Variants in KRTAP10-12 observed in about 807,000 individuals in gnomAD.
KRTAP10-12 encodes the protein keratin associated protein 10-12, also known as keratin-associated protein 10-12.
For missense variants in KRTAP10-12, 311 were observed against 324.4 expected (o/e 0.96, Z 0.32); for synonymous variants, 142 against 139.1 (o/e 1.02, Z -0.14).
chr21:44,697,746 C>G lies in KRTAP10-12; in HGVS notation c.545C>G (p.Ala182Gly), dbSNP rs782664182. Reference protein sequence around the residue: ...LCCQQSSCQPACCTTSCCRPS... With the variant: ...LCCQQSSCQPGCCTTSCCRPS... The stretch of plus-strand genomic sequence containing the variant: ...TGCCAGCAGTCTAGCTGCCAGCCAG[C>G]TTGCTGCACCACCTCCTGCTGCAGA... Residue 182 changes from alanine to glycine, a missense_variant, in exon 1 of 1, where the codon GCT (alanine) becomes GGT (glycine). By Grantham distance (60) the Ala-to-Gly change is moderately conservative. Transcript: ENST00000400365. 2 of 1,614,148 alleles carry G rather than the reference C, an allele frequency of 1.2e-6. No homozygotes were observed. The highest frequency in any genetic ancestry group is 3.3e-5 in the Admixed American group (2 of 60,036).
At position 44,697,603 on chromosome 21, in the gene KRTAP10-12, G is replaced by A; in HGVS notation, c.402G>A (p.Gln134=). The change falls in exon 1 of 1, where the codon CAG becomes CAA. Residue 134 remains glutamine, a synonymous_variant. Transcript: ENST00000400365. The part of the protein sequence containing the change: ...CCGPSSSCCQ[Q]SSCQPACCIS... Reference sequence around the variant, plus strand: ...GGCCTTCTTCTTCATGCTGCCAGCAGTCTAGCTGCCAGCCAGCTTGCTGCA... The same window carrying A: ...GGCCTTCTTCTTCATGCTGCCAGCAATCTAGCTGCCAGCCAGCTTGCTGCA... 2 of 1,614,008 alleles carry A rather than the reference G, an allele frequency of 1.2e-6. No individual in the cohort carries two copies. The highest frequency in any genetic ancestry group is 1.1e-5 in the South Asian group (1 of 91,072).
At position 44,697,655 on chromosome 21, in the gene KRTAP10-12, T is replaced by C; in HGVS notation, c.454T>C (p.Cys152Arg). Residue 152 changes from cysteine (C) to arginine (R), a missense_variant, in exon 1 of 1, where the codon TGT (cysteine) becomes CGT (arginine). Transcript: ENST00000400365. ...CISSPCQQSCCVPVCCKPICC... is the reference protein window; with the variant it reads ...CISSPCQQSCRVPVCCKPICC... ...CTCCTCCCCGTGTCAACAGTCCTGC[T>C]GTGTGCCCGTCTGCTGCAAGCCCAT... is the stretch of plus-strand genomic sequence containing the variant. 1 of 1,614,002 alleles carries C rather than the reference T, an allele frequency of 6.2e-7. No homozygotes were observed. Among genetic ancestry groups the C allele is most frequent in the South Asian group, 1.1e-5 (1 of 91,082 alleles).
chr21:44,697,392 G>C lies in KRTAP10-12; in HGVS notation c.191G>C (p.Arg64Pro), dbSNP rs200968568. ...PVSRVSSPCCRVTCEPSPCQS... is the reference protein window; with the variant it reads ...PVSRVSSPCCPVTCEPSPCQS... ...AGCCGTGTATCCAGCCCCTGCTGCC[G>C]AGTGACCTGTGAGCCCAGCCCCTGC... The change falls in exon 1 of 1, where the codon CGA becomes CCA. Residue 64 changes from arginine (R) to proline (P), a missense_variant. Physicochemically the swap from Arg to Pro is moderately radical, Grantham distance 103. Transcript: ENST00000400365. The C allele has an allele frequency of 3.1e-4, 504 of 1,607,202 alleles. 2 individuals are homozygous for C. In the African/African-American group the frequency reaches 5.4e-3, roughly 17 times the overall value.
In KRTAP10-12 at chr21:44,697,382, C is replaced by T; in HGVS notation, c.181C>T (p.Pro61Ser). 6.2e-7 allele frequency: 1 copy of T among 1,613,486 alleles called. No homozygotes were observed. Among genetic ancestry groups the T allele is most frequent in the South Asian group, 1.1e-5 (1 of 91,062 alleles). Residue 61 changes from proline to serine, a missense_variant, in exon 1 of 1, where the codon CCC becomes TCC. Physicochemically the swap from Pro to Ser is moderately conservative, Grantham distance 74. Transcript: ENST00000400365. ...VCTPVSRVSS[P>S]CCRVTCEPSP... ...CACCCCAGTGAGCCGTGTATCCAGC[C>T]CCTGCTGCCGAGTGACCTGTGAGCC...
rs1987455367 is a variant in KRTAP10-12 at position 44,697,882 on chromosome 21, C to A, written c.681C>A (p.Arg227=). Residue 227 remains arginine, a synonymous_variant, in exon 1 of 1, where the codon CGC becomes CGA. Transcript: ENST00000400365. Reference sequence around the variant, plus strand: ...CCTCCTGCCAGCCAAGCTGCGGCCGCCTGGCCTCCTGCGGGTCCCTCCTCT... The same window carrying A: ...CCTCCTGCCAGCCAAGCTGCGGCCGACTGGCCTCCTGCGGGTCCCTCCTCT... ...PTSSCQPSCG[R]LASCGSLLCR... 6.2e-7 allele frequency: 1 copy of A among 1,603,242 alleles called. No homozygotes were observed. Among genetic ancestry groups the A allele is most frequent in the East Asian group, 2.2e-5 (1 of 44,506 alleles).
At position 44,697,681 on chromosome 21, in the gene KRTAP10-12, C is replaced by A. The variant is rs782105198; in HGVS notation, c.480C>A (p.Ile160=). Residue 160 remains isoleucine (I), a synonymous_variant, in exon 1 of 1, where the codon ATC becomes ATA. Coordinates refer to ENST00000400365, the MANE Select transcript of KRTAP10-12 (RefSeq NM_198699.1). ...SCCVPVCCKP[I]CCVPVCSGAS... is the part of the protein sequence containing the mutation. Reference sequence around the variant, plus strand: ...GTGTGCCCGTCTGCTGCAAGCCCATCTGCTGTGTGCCTGTCTGCTCTGGGG... The same window carrying A: ...GTGTGCCCGTCTGCTGCAAGCCCATATGCTGTGTGCCTGTCTGCTCTGGGG... 5.0e-6 allele frequency: 8 copies of A among 1,613,124 alleles called. No homozygotes were observed. In the South Asian group the frequency reaches 8.8e-5, roughly 18 times the overall value.
At position 44,697,705 on chromosome 21, in the gene KRTAP10-12, G is replaced by T. The variant is rs1555950931; in HGVS notation, c.504G>T (p.Gly168=). 5 of 1,611,966 alleles carry T rather than the reference G, an allele frequency of 3.1e-6. No homozygotes were observed. In the African/African-American group the frequency reaches 6.8e-5, roughly 22 times the overall value. ...TCTGCTGTGTGCCTGTCTGCTCTGG[G>T]GCCTCCTCTCTGTGCTGCCAGCAGT... is the stretch of plus-strand genomic sequence containing the variant. ...KPICCVPVCS[G]ASSLCCQQSS... Residue 168 remains glycine (G), a synonymous_variant, in exon 1 of 1, where the codon GGG becomes GGT. Coordinates refer to ENST00000400365, the MANE Select transcript of KRTAP10-12 (RefSeq NM_198699.1).
rs782792304 is a variant in KRTAP10-12 at position 44,697,399 on chromosome 21, C to A, written c.198C>A (p.Thr66=). The change falls in exon 1 of 1, where the codon ACC becomes ACA. Residue 66 remains threonine (T), a synonymous_variant. Transcript: ENST00000400365. ...TATCCAGCCCCTGCTGCCGAGTGACCTGTGAGCCCAGCCCCTGCCAATCAG... is the reference window on the plus strand; with the variant it reads ...TATCCAGCCCCTGCTGCCGAGTGACATGTGAGCCCAGCCCCTGCCAATCAG... The part of the protein sequence containing the change: ...SRVSSPCCRV[T]CEPSPCQSGC... 13 of 1,613,562 alleles carry A rather than the reference C, an allele frequency of 8.1e-6. 1 individual carries two copies. In the East Asian group the frequency reaches 2.5e-4, roughly 30 times the overall value.
chr21:44,697,315 G>T lies in KRTAP10-12; in HGVS notation c.114G>T (p.Glu38Asp). ...ACGACTGCCCAGAGAGCTGCTGTGA[G>T]CCCCCCTGCTGCGCCCCGGCCCCCT... ...QVDDCPESCC[E>D]PPCCAPAPCL... The change falls in exon 1 of 1, where the codon GAG (glutamate) becomes GAT (aspartate). Residue 38 changes from glutamate (E) to aspartate (D), a missense_variant. By Grantham distance (45) the Glu-to-Asp change is conservative (BLOSUM62 2). Coordinates refer to ENST00000400365, the MANE Select transcript of KRTAP10-12 (RefSeq NM_198699.1). 1 of 1,612,750 alleles carries T rather than the reference G, an allele frequency of 6.2e-7. No individual in the cohort carries two copies. The highest frequency in any genetic ancestry group is 8.5e-7 in the Non-Finnish European group (1 of 1,179,962).
rs574049088 is a variant in KRTAP10-12 at position 44,697,486 on chromosome 21, C to T, written c.285C>T (p.Cys95=). 22 of 1,613,912 alleles carry T rather than the reference C, an allele frequency of 1.4e-5. No individual in the cohort carries two copies. Among genetic ancestry groups the T allele is most frequent in the East Asian group, 4.5e-5 (2 of 44,896 alleles). Residue 95 remains cysteine, a synonymous_variant, in exon 1 of 1, where the codon TGC becomes TGT. Transcript: ENST00000400365. ...CQQSSCQPAC[C]TSSPCQQACC... ...AGTCTAGCTGCCAGCCGGCTTGCTG[C>T]ACCTCCTCCCCCTGCCAGCAGGCCT...
rs782523698 is a variant in KRTAP10-12 at position 44,697,517 on chromosome 21, G to A, written c.316G>A (p.Val106Met). The A allele has an allele frequency of 6.7e-5, 108 of 1,613,692 alleles. No homozygotes were observed. Among genetic ancestry groups the A allele is most frequent in the African/African-American group, 1.1e-4 (8 of 74,798 alleles). The change falls in exon 1 of 1, where the codon GTG becomes ATG. Residue 106 changes from valine (V) to methionine (M), a missense_variant. By Grantham distance (21) the Val-to-Met change is conservative (BLOSUM62 1). Transcript: ENST00000400365. ...TSSPCQQACCVPVCCKTVCCK... is the reference protein window; with the variant it reads ...TSSPCQQACCMPVCCKTVCCK... ...CTCCCCCTGCCAGCAGGCCTGCTGCGTGCCCGTCTGCTGCAAGACTGTCTG... is the reference window on the plus strand; with the variant it reads ...CTCCCCCTGCCAGCAGGCCTGCTGCATGCCCGTCTGCTGCAAGACTGTCTG...
In KRTAP10-12 at chr21:44,697,188, C is replaced by T. The variant is rs782473031; in HGVS notation, c.-14C>T. Reference sequence around the variant, plus strand: ...AGCTCCCCCAGCTCAACCCCCAGCACGGCTGCATCCACCATGTCCGTCTGC... The same window carrying T: ...AGCTCCCCCAGCTCAACCCCCAGCATGGCTGCATCCACCATGTCCGTCTGC... On this transcript the variant is annotated 5_prime_UTR_variant, in exon 1 of 1. In the 5' UTR this introduces an upstream ATG that the reference lacks. Coordinates refer to ENST00000400365, the MANE Select transcript of KRTAP10-12 (RefSeq NM_198699.1). The T allele has an allele frequency of 8.0e-5, 129 of 1,610,936 alleles. No homozygotes were observed. The highest frequency in any genetic ancestry group is 2.0e-4 in the East Asian group (9 of 44,860).
Position 44,697,953 on chromosome 21 carries a change from GC to G in KRTAP10-12, c.*16del. On this transcript the variant is annotated 3_prime_UTR_variant, in exon 1 of 1. Transcript: ENST00000400365. The stretch of plus-strand genomic sequence containing the variant: ...CTGGCCTGCTGAGGCCTCTGCTCAG[GC>G]CAGAAGTCCAGCTGCTGCCAGGCAT... 1 of 1,601,652 alleles carries G rather than the reference GC, an allele frequency of 6.2e-7. No individual in the cohort carries two copies. Among genetic ancestry groups the G allele is most frequent in the East Asian group, 2.2e-5 (1 of 44,670 alleles).
At position 44,697,833 on chromosome 21, in the gene KRTAP10-12, TC is replaced by T. The variant is rs782062378; in HGVS notation, c.636del (p.Ser213ProfsTer56). On this transcript the variant is annotated frameshift_variant, in exon 1 of 1. Coordinates refer to ENST00000400365, the MANE Select transcript of KRTAP10-12 (RefSeq NM_198699.1). LOFTEE classifies it low-confidence loss of function (END_TRUNC). ...PVCRPARRVP[V>X]PSCCVPTSSC... is the part of the protein sequence containing the mutation. The stretch of plus-strand genomic sequence containing the variant: ...TGCAGACCCGCCCGCCGCGTGCCCG[TC>T]CCCTCCTGCTGTGTCCCCACCTCCT... 8.7e-6 allele frequency: 14 copies of T among 1,613,154 alleles called. No homozygotes were observed. The South Asian group carries it at 1.1e-4, about 13-fold the overall frequency.
rs1213200022 is a variant in KRTAP10-12, at chr21:44,697,696, C to T, written c.495C>T (p.Val165=). The T allele has an allele frequency of 1.7e-5, 27 of 1,613,150 alleles. No individual in the cohort carries two copies. The highest frequency in any genetic ancestry group is 2.3e-5 in the Non-Finnish European group (27 of 1,179,976). ...VCCKPICCVP[V]CSGASSLCCQ... is the part of the protein sequence containing the mutation. Reference sequence around the variant, plus strand: ...GCAAGCCCATCTGCTGTGTGCCTGTCTGCTCTGGGGCCTCCTCTCTGTGCT... The same window carrying T: ...GCAAGCCCATCTGCTGTGTGCCTGTTTGCTCTGGGGCCTCCTCTCTGTGCT... Residue 165 remains valine, a synonymous_variant, in exon 1 of 1, where the codon GTC becomes GTT. Transcript: ENST00000400365.
In KRTAP10-12 at chr21:44,697,274, G is replaced by A. The variant is rs1555950735; in HGVS notation, c.73G>A (p.Asp25Asn). The change falls in exon 1 of 1, where the codon GAC (aspartate) becomes AAC (asparagine). Residue 25 changes from aspartate to asparagine, a missense_variant. Coordinates refer to ENST00000400365, the MANE Select transcript of KRTAP10-12 (RefSeq NM_198699.1). ...CLPGSCDSCS[D>N]SWQVDDCPES... ...TCCTGGTTCCTGTGACTCTTGCTCC[G>A]ACTCCTGGCAGGTGGACGACTGCCC... is the stretch of plus-strand genomic sequence containing the variant. The A allele has an allele frequency of 3.3e-5, 53 of 1,613,866 alleles. No homozygotes were observed. Among genetic ancestry groups the A allele is most frequent in the East Asian group, 6.7e-5 (3 of 44,880 alleles).
chr21:44,697,549 G>A lies in KRTAP10-12; in HGVS notation c.348G>A (p.Lys116=), dbSNP rs374262694. Reference sequence around the variant, plus strand: ...TCTGCTGCAAGACTGTCTGCTGCAAGCCTGTGTGCTGTATGCCCGTCTGCT... The same window carrying A: ...TCTGCTGCAAGACTGTCTGCTGCAAACCTGTGTGCTGTATGCCCGTCTGCT... The part of the protein sequence containing the change: ...VPVCCKTVCC[K]PVCCMPVCCG... Residue 116 remains lysine, a synonymous_variant, in exon 1 of 1, where the codon AAG becomes AAA. Coordinates refer to ENST00000400365, the MANE Select transcript of KRTAP10-12 (RefSeq NM_198699.1). 1.2e-6 allele frequency: 2 copies of A among 1,613,454 alleles called. No individual in the cohort carries two copies. Among genetic ancestry groups the A allele is most frequent in the Admixed American group, 3.3e-5 (2 of 59,910 alleles).
In KRTAP10-12 at chr21:44,697,592, TGCTGCCAGCAGTCTA is replaced by T; in HGVS notation, c.401_415del (p.Gln134_Gln138del). ...CGTCTGCTGTGGGCCTTCTTCTTCA[TGCTGCCAGCAGTCTA>T]GCTGCCAGCCAGCTTGCTGCATCTC... On this transcript the variant is annotated inframe_deletion, in exon 1 of 1. Transcript: ENST00000400365. 6.2e-7 allele frequency: 1 copy of T among 1,614,004 alleles called. No homozygotes were observed. Among genetic ancestry groups the T allele is most frequent in the Non-Finnish European group, 8.5e-7 (1 of 1,179,966 alleles).
At position 44,697,935 on chromosome 21, in the gene KRTAP10-12, G is replaced by A. The variant is rs782150424; in HGVS notation, c.734G>A (p.Cys245Tyr). ...LCRPTCSRLA[C>Y] ...CGCCCCACATGTTCCCGCCTGGCCT[G>A]CTGAGGCCTCTGCTCAGGCCAGAAG... The change falls in exon 1 of 1, where the codon TGC becomes TAC. Residue 245 changes from cysteine (C) to tyrosine (Y), a missense_variant. Coordinates refer to ENST00000400365, the MANE Select transcript of KRTAP10-12 (RefSeq NM_198699.1). 6.2e-5 allele frequency: 100 copies of A among 1,610,588 alleles called. No homozygotes were observed. The highest frequency in any genetic ancestry group is 8.4e-5 in the Non-Finnish European group (99 of 1,178,166).
Sources: gnomAD v4.1 joint callset for allele counts on GRCh38, gnomAD v4.1.1 for gene constraint, MANE v1.5 for transcripts, NCBI Gene and HGNC (gene_info 2026-07-23, HGNC 2026-07-21) for gene names.